The following FCHSD2 variants were observed in gnomAD, a reference collection of about 807,000 sequenced individuals.
FCHSD2 encodes the protein F-BAR and double SH3 domains protein 2.
In FCHSD2, 38 loss-of-function variants were observed where a neutral mutation model predicts 108.1. The observed-to-expected ratio is 0.35, with a 90% CI of 0.27 to 0.46. The LOEUF (loss-of-function observed/expected upper bound fraction) is 0.46, where lower values mean the gene tolerates loss of function less well. Among genes scored for constraint, FCHSD2 ranks in the 20% least tolerant of loss-of-function variants. The probability of loss-of-function intolerance (pLI) is 1.00; values close to 1 mark genes in which losing one functional copy is unlikely to be tolerated. For synonymous variants in FCHSD2, 279 were observed against 314.7 expected (o/e 0.89, Z 1.20); for missense variants, 751 against 897.8 (o/e 0.84, Z 2.09).
intron 3 of FCHSD2, among the ~76,000 whole-genome samples, chr11:73,030,990 C>G (rs1858346752): frequency 6.6e-6 from 1 of 152,014 alleles, no homozygotes; most frequent in Non-Finnish European, 1.5e-5. Context: ...CACATACACA[C>G]ACACATTGAC....
intron 3 of FCHSD2, among the ~76,000 whole-genome samples, chr11:73,074,061 C>G (rs1859492022): frequency 6.6e-6 from 1 of 151,832 alleles, no homozygotes; most frequent in African/African-American, 2.4e-5. Flanking sequence ...GTTATAAAGA[C>G]AAAGTACTTA....
intron 13 of FCHSD2, among the ~76,000 whole-genome samples, chr11:72,857,482 A>C (rs1209702683): frequency 1.5e-5 from 2 of 129,506 alleles, no homozygotes; most frequent in Non-Finnish European, 3.1e-5. Context: ...CTTGTCGCCC[A>C]GGCTGGAGTG....
At chr11:72,866,767 A>G (rs1457072602) in intron 13 of FCHSD2, among the ~76,000 whole-genome samples, 1 of 152,266 alleles carries the variant, frequency 6.6e-6, no homozygotes, top group Non-Finnish European at 1.5e-5. Context: ...TTAGAAAATT[A>G]GAATGCTATG....
At chr11:72,937,102 G>A (rs1303100745) in intron 8 of FCHSD2, among the ~76,000 whole-genome samples, 2 of 152,300 alleles carry the variant, frequency 1.3e-5, no homozygotes, top group South Asian at 2.1e-4. Flanking sequence ...TGGTCCTGAT[G>A]AGGAACAGAA....
At chr11:73,081,466 GACTGT>G (rs1859683704) in intron 3 of FCHSD2, among the ~76,000 whole-genome samples, 1 of 151,974 alleles carries the variant, frequency 6.6e-6, no homozygotes, top group Non-Finnish European at 1.5e-5. Context: ...TGTTACAGAA[GACTGT>G]ATCATATAAA....
chr11:73,005,402 C>T (rs1233992059), intron 4 of FCHSD2, among the ~76,000 whole-genome samples: 1 of 152,200 alleles, frequency 6.6e-6, no homozygotes, highest in Non-Finnish European at 1.5e-5. Flanking sequence ...TATTACTCGA[C>T]CTATCAGCAA....
intron 2 of FCHSD2, among the ~76,000 whole-genome samples, chr11:73,127,306 G>A (rs1185855536): frequency 6.6e-6 from 1 of 152,148 alleles, no homozygotes; most frequent in African/African-American, 2.4e-5. Context: ...CAAATGGAAT[G>A]TTAAAACAAA....
At chr11:72,999,116 A>T (rs1002741782) in intron 5 of FCHSD2, among the ~76,000 whole-genome samples, 1 of 152,188 alleles carries the variant, frequency 6.6e-6, no homozygotes, top group Non-Finnish European at 1.5e-5. Flanking sequence ...ATTTTCAGTT[A>T]TACAAGCAGA....
chr11:72,886,897 A>G (rs1252328685), intron 12 of FCHSD2, among the ~76,000 whole-genome samples: 1 of 152,090 alleles, frequency 6.6e-6, no homozygotes, highest in East Asian at 1.9e-4. Flanking sequence ...GTGGGAGAGA[A>G]TGTTTCACAG....
At chr11:72,977,950 T>C (rs913623975) in intron 8 of FCHSD2, among the ~76,000 whole-genome samples, 12 of 152,184 alleles carry the variant, frequency 7.9e-5, no homozygotes, top group Admixed American at 7.2e-4. Context: ...TAAGAAAATG[T>C]GGCATATACA....
intron 3 of FCHSD2, among the ~76,000 whole-genome samples, chr11:73,033,953 TTTTA>T (rs1426787417): frequency 1.3e-5 from 2 of 152,178 alleles, no homozygotes; most frequent in African/African-American, 2.4e-5. Context: ...TTTAAAGAAA[TTTTA>T]TTTATCATGT....
intron 8 of FCHSD2, among the ~76,000 whole-genome samples, chr11:72,955,602 G>A (rs1856697809): frequency 6.6e-6 from 1 of 152,070 alleles, no homozygotes; most frequent in Admixed American, 6.6e-5. Context: ...CCATCCTGAC[G>A]CTATTCAGGA....
intron 12 of FCHSD2, among the ~76,000 whole-genome samples, chr11:72,872,166 TG>T (rs1309794260): frequency 1.3e-5 from 2 of 152,092 alleles, no homozygotes; most frequent in Non-Finnish European, 2.9e-5. Flanking sequence ...GCACTCCAAT[TG>T]GTAAATACTC....
intron 3 of FCHSD2, among the ~76,000 whole-genome samples, chr11:73,035,123 T>G (rs949950486): frequency 6.6e-6 from 1 of 152,128 alleles, no homozygotes; most frequent in African/African-American, 2.4e-5. Flanking sequence ...CTTGACAAGT[T>G]ATTTAACTTG....
At chr11:73,133,325 T>A (rs1415911413) in intron 2 of FCHSD2, among the ~76,000 whole-genome samples, 1 of 152,222 alleles carries the variant, frequency 6.6e-6, no homozygotes, top group Non-Finnish European at 1.5e-5. Context: ...GAAATGTTCA[T>A]AGCAGCATTA....
At chr11:73,006,501 T>C (rs983902405) in intron 4 of FCHSD2, among the ~76,000 whole-genome samples, 1 of 152,116 alleles carries the variant, frequency 6.6e-6, no homozygotes, top group African/African-American at 2.4e-5. Context: ...AAAAATACCA[T>C]GGAATTTAAT....
chr11:73,015,738 C>A, intron 4 of FCHSD2, 71 bp downstream of exon 4: 1 of 858,254 alleles, frequency 1.2e-6, no homozygotes, highest in South Asian at 1.7e-5. Context: ...TAGAGTGTTA[C>A]ATTATCTATA....
chr11:72,913,394 G>A lies in FCHSD2; in HGVS notation c.828+8434C>T, dbSNP rs138253386. 8.5e-5 allele frequency among the ~76,000 whole-genome samples: 13 copies of A among 152,150 alleles called. 2 individuals carry two copies. Among genetic ancestry groups the A allele is most frequent in the East Asian group, 3.9e-4 (2 of 5,168 alleles). On this transcript the variant is annotated intron_variant, in intron 9 of 19. Transcript: ENST00000409418. ...AATGATTTTCACACCTCAGCCTCCCGAGCAGCTGGGATTTCAGGCATGTGC... is the reference window on the plus strand; with the variant it reads ...AATGATTTTCACACCTCAGCCTCCCAAGCAGCTGGGATTTCAGGCATGTGC...
intron 8 of FCHSD2, among the ~76,000 whole-genome samples, chr11:72,925,124 C>T (rs1345186431): frequency 6.6e-6 from 1 of 151,988 alleles, no homozygotes; most frequent in Non-Finnish European, 1.5e-5. Context: ...TATCTCAGTA[C>T]AATATAAACA....
Sources: allele counts gnomAD v4.1 joint callset (sites outside exome capture counted in the v4.1 genomes callset), GRCh38; gene constraint gnomAD v4.1.1; transcripts MANE v1.5; gene names NCBI Gene and HGNC (gene_info 2026-07-23, HGNC 2026-07-21).